IMMP2L: variants seen among roughly 807,000 people sequenced by gnomAD.
IMMP2L encodes the protein mitochondrial inner membrane protease subunit 2.
IMMP2L carries 18 observed loss-of-function variants against 19.3 expected under a neutral mutation model. That is an observed-to-expected ratio of 0.93 (90% CI 0.64 to 1.38). The LOEUF (loss-of-function observed/expected upper bound fraction) is 1.38, where lower values mean the gene tolerates loss of function less well. IMMP2L is among the 40% of genes most tolerant of loss of function. IMMP2L has a pLI of 0.00. For missense variants in IMMP2L, 233 were observed against 218.2 expected (o/e 1.07, Z -0.43); for synonymous variants, 76 against 73.0 (o/e 1.04, Z -0.21).
chr7:111,243,570 G>T (rs1815461178), intron 3 of IMMP2L, among the ~76,000 whole-genome samples: 2 of 140,882 alleles, frequency 1.4e-5, no homozygotes, highest in African/African-American at 5.3e-5. Flanking sequence ...CATTGTGCAG[G>T]TTAGTTACAT....
intron 4 of IMMP2L, among the ~76,000 whole-genome samples, chr7:110,912,587 G>GTT (rs76245503): frequency 1.4e-5 from 2 of 145,456 alleles, no homozygotes; most frequent in Admixed American, 6.9e-5. Flanking sequence ...CACATTTAAA[G>GTT]TTTTTTTTTT....
chr7:110,737,954 CA>C (rs1796745648), intron 5 of IMMP2L, among the ~76,000 whole-genome samples: 1 of 152,140 alleles, frequency 6.6e-6, no homozygotes, highest in African/African-American at 2.4e-5. Context: ...CCCAGAAGAG[CA>C]GAAATAGTCA....
chr7:110,732,410 T>C (rs1796330321), intron 5 of IMMP2L, among the ~76,000 whole-genome samples: 1 of 152,152 alleles, frequency 6.6e-6, no homozygotes. Flanking sequence ...TTTTTCTAAT[T>C]ACAAACAAAG....
intron 3 of IMMP2L, among the ~76,000 whole-genome samples, chr7:111,334,451 T>C (rs1480096148): frequency 2.0e-5 from 3 of 152,162 alleles, no homozygotes; most frequent in Admixed American, 1.3e-4. Context: ...ACATTTTCTT[T>C]ATGCATGCAT....
intron 3 of IMMP2L, among the ~76,000 whole-genome samples, chr7:111,433,912 A>G (rs1195125273): frequency 6.6e-6 from 1 of 151,796 alleles, no homozygotes; most frequent in African/African-American, 2.4e-5. Context: ...TTAAATTACT[A>G]ACATCATTTT....
chr7:111,207,930 T>C (rs948919959), intron 3 of IMMP2L, among the ~76,000 whole-genome samples: 1 of 152,180 alleles, frequency 6.6e-6, no homozygotes, highest in East Asian at 1.9e-4. Flanking sequence ...TTACAAGAGC[T>C]ACCAATAGTT....
At chr7:110,763,064 T>A (rs1166007021) in intron 5 of IMMP2L, among the ~76,000 whole-genome samples, 1 of 152,062 alleles carries the variant, frequency 6.6e-6, no homozygotes, top group Non-Finnish European at 1.5e-5. Flanking sequence ...TAGTGTGTGA[T>A]CACAGTTCAG....
intron 5 of IMMP2L, among the ~76,000 whole-genome samples, chr7:110,774,456 T>A (rs1223907407): frequency 6.6e-6 from 1 of 152,050 alleles, no homozygotes; most frequent in Non-Finnish European, 1.5e-5. Flanking sequence ...ACTACTTTTA[T>A]CCAGAAGGAA....
chr7:110,903,220 T>C (rs1236637087), intron 4 of IMMP2L, among the ~76,000 whole-genome samples: 1 of 152,222 alleles, frequency 6.6e-6, no homozygotes, highest in Admixed American at 6.5e-5. Context: ...TATGTGGCTG[T>C]GTATTTCTTT....
At chr7:111,099,712 G>A (rs904541280) in intron 3 of IMMP2L, among the ~76,000 whole-genome samples, 2 of 150,960 alleles carry the variant, frequency 1.3e-5, no homozygotes, top group African/African-American at 2.4e-5. Flanking sequence ...TTTTTTGAAA[G>A]TTATAAGCAA....
intron 3 of IMMP2L, among the ~76,000 whole-genome samples, chr7:111,294,958 T>C (rs1054263456): frequency 6.6e-6 from 1 of 151,972 alleles, no homozygotes; most frequent in Non-Finnish European, 1.5e-5. Flanking sequence ...TTTTAGCCTA[T>C]GAAATCATTA....
intron 2 of IMMP2L, among the ~76,000 whole-genome samples, chr7:111,508,599 C>T (rs979728531): frequency 1.7e-4 from 26 of 152,240 alleles, no homozygotes; most frequent in African/African-American, 6.3e-4. Context: ...GCAGGGAAGT[C>T]CCCAGTGTGG....
chr7:110,841,096 A>G (rs1392970615), intron 5 of IMMP2L, among the ~76,000 whole-genome samples: 1 of 152,088 alleles, frequency 6.6e-6, no homozygotes, highest in Non-Finnish European at 1.5e-5. Context: ...GAATAGTTAA[A>G]TTTAGATTTT....
intron 3 of IMMP2L, among the ~76,000 whole-genome samples, chr7:111,311,472 A>C (rs1823509941): frequency 6.6e-6 from 1 of 152,126 alleles, no homozygotes; most frequent in Non-Finnish European, 1.5e-5. Context: ...TAATCCCTGA[A>C]ATAACTAAGA....
intron 5 of IMMP2L, among the ~76,000 whole-genome samples, chr7:110,854,120 C>T (rs1272605124): frequency 6.6e-6 from 1 of 151,828 alleles, no homozygotes; most frequent in Non-Finnish European, 1.5e-5. Flanking sequence ...TAGGTAGGTA[C>T]ACATATATTT....
At chr7:110,702,329 T>G (rs981325903) in intron 5 of IMMP2L, among the ~76,000 whole-genome samples, 1 of 152,156 alleles carries the variant, frequency 6.6e-6, no homozygotes, top group Non-Finnish European at 1.5e-5. Flanking sequence ...ATTATTTGGC[T>G]TTAATGTATA....
rs946765589 is a variant in IMMP2L at position 111,392,121 on chromosome 7, G to A, written c.239+95117C>T. The A allele has an allele frequency of 2.7e-5, 17 of 626,480 alleles. No individual in the cohort carries two copies. The African/African-American group carries it at 3.1e-4, about 11-fold the overall frequency. 38.8% of individuals were successfully genotyped at this position (626,480 alleles called of 1,614,324 possible). A position where few individuals can be genotyped will look rare whatever the true frequency, so the allele number is the denominator to read the frequency against. On this transcript the variant is annotated intron_variant, in intron 3 of 5. Coordinates refer to ENST00000405709, the MANE Select transcript of IMMP2L (RefSeq NM_032549.4). ...TCTCTTTGGCTATTAGCGACCCAAG[G>A]AGGACCTCAGACAACAACATACTTT...
chr7:111,455,543 T>C (rs1253242827), intron 3 of IMMP2L, among the ~76,000 whole-genome samples: 2 of 151,708 alleles, frequency 1.3e-5, no homozygotes, highest in African/African-American at 4.8e-5. Context: ...ATATTTTGAA[T>C]CCAAATATGA....
intron 3 of IMMP2L, among the ~76,000 whole-genome samples, chr7:111,081,683 C>T (rs1395677019): frequency 1.3e-5 from 2 of 152,186 alleles, no homozygotes; most frequent in Non-Finnish European, 2.9e-5. Flanking sequence ...TGTGTTGATA[C>T]ATCTCTCGTT....
Sources: allele counts gnomAD v4.1 joint callset (sites outside exome capture counted in the v4.1 genomes callset), GRCh38; gene constraint gnomAD v4.1.1; transcripts MANE v1.5; gene names NCBI Gene and HGNC (gene_info 2026-07-23, HGNC 2026-07-21).